The following KIN variants were observed in gnomAD, a reference collection of about 807,000 sequenced individuals.
The protein encoded by KIN is Kin17 DNA and RNA binding protein.
A neutral mutation model predicts 63.0 loss-of-function variants in KIN; 47 were observed. The ratio of observed to expected loss-of-function variants is 0.75; its 90% CI spans 0.59 to 0.95. The LOEUF is 0.95. Ranked by LOEUF, KIN falls within the 40% of genes least tolerant of loss-of-function variation. The pLI is 0.00. For missense variants in KIN, 408 were observed against 460.9 expected (o/e 0.89, Z 1.05); for synonymous variants, 160 against 157.7 (o/e 1.01, Z -0.11).
Position 7,769,349 on chromosome 10 carries a change from A to C in KIN, c.669-4T>G. ...CAGTGCACTCGGTCCCAGAGTACTG[A>C]TGAACAGGAGAACCATGCTTGTTAC... On this transcript the variant is annotated splice_region_variant and splice_polypyrimidine_tract_variant and intron_variant, in intron 7 of 12. Transcript: ENST00000379562. The C allele has an allele frequency of 1.2e-6, 2 of 1,609,872 alleles. No individual in the cohort carries two copies. Among genetic ancestry groups the C allele is most frequent in the Non-Finnish European group, 1.7e-6 (2 of 1,178,816 alleles).
chr10:7,786,176 C>T (rs1018762922), intron 1 of KIN, among the ~76,000 whole-genome samples: 2 of 152,144 alleles, frequency 1.3e-5, no homozygotes, highest in Non-Finnish European at 2.9e-5. Context: ...AAACCTATAA[C>T]AGTCTATTGC....
At chr10:7,769,396 T>TGC in intron 7 of KIN, 51 bp from the exon 8 acceptor site, 1 of 1,550,578 alleles carries the variant, frequency 6.4e-7, no homozygotes, top group Non-Finnish European at 8.7e-7. Context: ...CACAGACGAA[T>TGC]GCTTTACGAT....
intron 7 of KIN, among the ~76,000 whole-genome samples, chr10:7,771,752 G>A (rs566437188): frequency 3.9e-5 from 6 of 152,012 alleles, no homozygotes; most frequent in South Asian, 4.2e-4. Flanking sequence ...AAAATTAGCC[G>A]AGCATGGTGG....
Position 7,780,137 on chromosome 10 carries a change from T to C in KIN, c.295A>G (p.Ile99Val). 1.2e-6 allele frequency: 2 copies of C among 1,611,278 alleles called. No homozygotes were observed. The highest frequency in any genetic ancestry group is 1.7e-6 in the Non-Finnish European group (2 of 1,178,350). ...VHNNIVYNEY[I>V]SHREHIHMNA... ...ATGTGGATGTGCTCTCGGTGGCTGA[T>C]GTATTCGTTGTAGACAATGTTGTTG... The change falls in exon 4 of 13, where the codon ATC (isoleucine) becomes GTC (valine). Residue 99 changes from isoleucine to valine, a missense_variant. Coordinates refer to ENST00000379562, the MANE Select transcript of KIN (RefSeq NM_012311.4).
At chr10:7,765,227 G>A (rs1388434355) in intron 9 of KIN, among the ~76,000 whole-genome samples, 3 of 151,130 alleles carry the variant, frequency 2.0e-5, no homozygotes, top group Admixed American at 6.6e-5. Context: ...CTGGGAAGTC[G>A]AGGCAGGAGG....
At chr10:7,760,040 T>G (rs1564314547) in intron 11 of KIN, 50 bp from the exon 12 acceptor site, 6 of 883,744 alleles carry the variant, frequency 6.8e-6, no homozygotes, top group Non-Finnish European at 8.9e-6. Context: ...ATCTCCACTT[T>G]TCTTCTAACT....
chr10:7,768,337 T>C (rs1391180210), intron 8 of KIN, among the ~76,000 whole-genome samples: 7 of 152,088 alleles, frequency 4.6e-5, no homozygotes, highest in Non-Finnish European at 1.0e-4. Context: ...CTAGCCAACA[T>C]GGTGAAACCC....
chr10:7,754,008 G>A lies in KIN; in HGVS notation c.*2072C>T. 1 of 455,882 alleles carries A rather than the reference G, an allele frequency of 2.2e-6. No homozygotes were observed. The highest frequency in any genetic ancestry group is 4.4e-6 in the Non-Finnish European group (1 of 226,746). 28.2% of individuals were successfully genotyped at this position (455,882 alleles called of 1,614,324 possible). Reference sequence around the variant, plus strand: ...ATGTTTGAAGTGATCATCCTGGTATGGTCTGTTTTTTGTTTGAACTCTTGT... The same window carrying A: ...ATGTTTGAAGTGATCATCCTGGTATAGTCTGTTTTTTGTTTGAACTCTTGT... On this transcript the variant is annotated 3_prime_UTR_variant, in exon 13 of 13. Transcript: ENST00000379562.
At chr10:7,775,394 T>C (rs1372707275) in intron 6 of KIN, among the ~76,000 whole-genome samples, 1 of 152,182 alleles carries the variant, frequency 6.6e-6, no homozygotes, top group Non-Finnish European at 1.5e-5. Flanking sequence ...TAGAAGAGCA[T>C]CCAGAGATGC....
At chr10:7,773,120 C>T (rs985491959) in intron 7 of KIN, among the ~76,000 whole-genome samples, 9 of 152,190 alleles carry the variant, frequency 5.9e-5, no homozygotes, top group African/African-American at 1.9e-4. Context: ...AGCCAAGTAA[C>T]GCCTGCGGCC....
chr10:7,784,494 G>A (rs544555531), intron 1 of KIN, among the ~76,000 whole-genome samples: 2 of 152,158 alleles, frequency 1.3e-5, no homozygotes, highest in South Asian at 4.2e-4. Flanking sequence ...AGGCTGAGGC[G>A]GGAGGATTGC....
chr10:7,766,370 GA>G, intron 8 of KIN: 1 of 362,550 alleles, frequency 2.8e-6, no homozygotes, highest in Admixed American at 4.6e-5. Flanking sequence ...CTATTCAGCT[GA>G]AAGACCAGCC....
chr10:7,766,357 C>CT lies in KIN; in HGVS notation c.799-255dup, dbSNP rs1266853570. 2.1e-5 allele frequency: 8 copies of CT among 388,046 alleles called. No individual in the cohort carries two copies. In the East Asian group the frequency reaches 3.7e-4, roughly 18 times the overall value. 24.0% of individuals were successfully genotyped at this position (388,046 alleles called of 1,614,324 possible). ...TGACCTAGGAAGCAAACAGACACAA[C>CT]TCCTATTCAGCTGAAAGACCAGCCA... On this transcript the variant is annotated intron_variant, in intron 8 of 12. Coordinates refer to ENST00000379562, the MANE Select transcript of KIN (RefSeq NM_012311.4).
At chr10:7,787,027 C>G (rs1836030275) in intron 1 of KIN, among the ~76,000 whole-genome samples, 1 of 152,142 alleles carries the variant, frequency 6.6e-6, no homozygotes, top group South Asian at 2.1e-4. Context: ...CTAGCCTGCA[C>G]AGCATTCAAT....
chr10:7,755,997 A>G lies in KIN; in HGVS notation c.*83T>C, dbSNP rs977016474. 6.0e-5 allele frequency: 46 copies of G among 761,544 alleles called. 1 individual carries two copies. In the East Asian group the frequency reaches 1.1e-3, roughly 18 times the overall value. 47.2% of individuals were successfully genotyped at this position (761,544 alleles called of 1,614,324 possible). A position where few individuals can be genotyped will look rare whatever the true frequency, so the allele number is the denominator to read the frequency against. On this transcript the variant is annotated 3_prime_UTR_variant, in exon 13 of 13. Transcript: ENST00000379562. Reference sequence around the variant, plus strand: ...TGTTTTATACAAAAGAATATACCCTAACACAGTAGAGTCTCATAATGCCTT... The same window carrying G: ...TGTTTTATACAAAAGAATATACCCTGACACAGTAGAGTCTCATAATGCCTT...
intron 4 of KIN, 125 bp downstream of exon 4, chr10:7,779,931 T>C (rs1835862791): frequency 1.2e-6 from 1 of 836,582 alleles, no homozygotes; most frequent in Admixed American, 2.6e-5. Flanking sequence ...CAAAATGGAA[T>C]CAACTAACAC....
chr10:7,769,323 T>C lies in KIN; in HGVS notation c.691A>G (p.Lys231Glu), dbSNP rs1200603185. Residue 231 changes from lysine (K) to glutamate (E), a missense_variant, in exon 8 of 13, where the codon AAG becomes GAG. By Grantham distance (56) the Lys-to-Glu change is moderately conservative (BLOSUM62 1). This residue lies in a region of KIN where 298 missense variants were observed against 296.0 expected (regional missense o/e 1.01). Coordinates refer to ENST00000379562, the MANE Select transcript of KIN (RefSeq NM_012311.4). ...KSSTLGPSAL[K>E]TIGSSASVKR... ...ACTGATGCTGAACTTCCTATCGTCT[T>C]CAGTGCACTCGGTCCCAGAGTACTG... is the stretch of plus-strand genomic sequence containing the variant. The C allele has an allele frequency of 1.2e-6, 2 of 1,613,806 alleles. No homozygotes were observed. Among genetic ancestry groups the C allele is most frequent in the Non-Finnish European group, 8.5e-7 (1 of 1,179,926 alleles).
chr10:7,756,208 C>G, intron 12 of KIN, 66 bp from the exon 13 acceptor site: 1 of 919,764 alleles, frequency 1.1e-6, no homozygotes, highest in Admixed American at 2.8e-5. Flanking sequence ...AAAAATGACA[C>G]CATACTTATG....
At chr10:7,769,409 G>A (rs1835622158) in intron 7 of KIN, 64 bp from the exon 8 acceptor site, 8 of 1,491,824 alleles carry the variant, frequency 5.4e-6, no homozygotes, top group African/African-American at 1.4e-5. Context: ...TTTACGATGT[G>A]CAAAATTCAC....
Sources: gnomAD v4.1 joint callset for allele counts (sites outside exome capture counted in the v4.1 genomes callset) on GRCh38, gnomAD v4.1.1 for gene constraint, gnomAD v4.1.1 regional missense constraint, MANE v1.5 for transcripts, NCBI Gene and HGNC (gene_info 2026-07-23, HGNC 2026-07-21) for gene names.